Variants in MTA3 observed in about 807,000 individuals in gnomAD.
MTA3 encodes metastasis associated 1 family member 3.
MTA3 carries 34 observed loss-of-function variants against 83.5 expected under a neutral mutation model. The observed-to-expected ratio is 0.41, with a 90% CI of 0.31 to 0.54. The LOEUF (loss-of-function observed/expected upper bound fraction) is 0.54, where lower values mean the gene tolerates loss of function less well. MTA3 is among the 20% of genes least tolerant of loss of function. The pLI is 0.33. For missense variants in MTA3, 761 were observed against 726.4 expected, an observed-to-expected ratio of 1.05 and a Z score of -0.55; for synonymous variants, 303 against 252.7, an observed-to-expected ratio of 1.20 and a Z score of -1.89.
chr2:42,497,584 C>CAA (rs112802576), intron 2 of MTA3, among the ~76,000 whole-genome samples: 8 of 123,020 alleles, frequency 6.5e-5, no homozygotes, highest in Non-Finnish European at 5.2e-5. Context: ...GACTCCATCT[C>CAA]AAAAAAAAAA....
chr2:42,713,582 C>A (rs1440343244), intron 14 of MTA3, among the ~76,000 whole-genome samples: 2 of 150,966 alleles, frequency 1.3e-5, no homozygotes, highest in African/African-American at 4.9e-5. Context: ...CCTGATTTAC[C>A]CCATTCAATG....
At chr2:42,681,396 A>G (rs985882638) in intron 8 of MTA3, among the ~76,000 whole-genome samples, 9 of 152,156 alleles carry the variant, frequency 5.9e-5, no homozygotes, top group African/African-American at 2.2e-4. Flanking sequence ...CCTCAACCCA[A>G]TCTGAGAAGA....
At chr2:42,733,467 C>T (rs750488155) in intron 16 of MTA3, among the ~76,000 whole-genome samples, 13 of 152,102 alleles carry the variant, frequency 8.5e-5, no homozygotes, top group African/African-American at 1.2e-4. Flanking sequence ...ATTTGGGTGG[C>T]GACACAGCCA....
chr2:42,723,188 G>A (rs146720372), intron 16 of MTA3, 153 bp downstream of exon 16: 1 of 911,646 alleles, frequency 1.1e-6, no homozygotes, highest in Non-Finnish European at 1.6e-6. Context: ...ACAGCCATAT[G>A]CCACATTTTG....
chr2:42,622,990 G>C (rs1272947880), intron 4 of MTA3, among the ~76,000 whole-genome samples: 1 of 152,190 alleles, frequency 6.6e-6, no homozygotes, highest in African/African-American at 2.4e-5. Flanking sequence ...AGCCAGAAGA[G>C]ATTCACAAGT....
chr2:42,685,414 A>G (rs1040696304), intron 9 of MTA3, among the ~76,000 whole-genome samples: 7 of 152,228 alleles, frequency 4.6e-5, no homozygotes. Context: ...GTCACACTTC[A>G]GAATGGGCCA....
At chr2:42,554,967 C>G (rs113688021) in intron 2 of MTA3, among the ~76,000 whole-genome samples, 2,100 of 152,038 alleles carry the variant, frequency 0.014, 49 homozygotes, top group African/African-American at 0.047. Context: ...CTTGGCCAAC[C>G]TGGTGAAACC....
At chr2:42,689,773 CTT>C (rs1222011840) in intron 9 of MTA3, among the ~76,000 whole-genome samples, 5 of 118,524 alleles carry the variant, frequency 4.2e-5, no homozygotes, top group Non-Finnish European at 7.3e-5. Flanking sequence ...TAATTTGTGT[CTT>C]TTTTTTTTTT....
chr2:42,717,829 G>A (rs1667133680), intron 14 of MTA3, among the ~76,000 whole-genome samples: 1 of 152,214 alleles, frequency 6.6e-6, no homozygotes, highest in African/African-American at 2.4e-5. Flanking sequence ...GGCCAAGTAT[G>A]GCCCATCTAG....
At chr2:42,597,620 G>A (rs926335844) in intron 3 of MTA3, among the ~76,000 whole-genome samples, 1 of 150,192 alleles carries the variant, frequency 6.7e-6, no homozygotes, top group Non-Finnish European at 1.5e-5. Flanking sequence ...TCCTGACCTT[G>A]TGATCTGCCC....
At chr2:42,751,593 A>G (rs772977928) in intron 16 of MTA3, among the ~76,000 whole-genome samples, 1 of 152,198 alleles carries the variant, frequency 6.6e-6, no homozygotes, top group Non-Finnish European at 1.5e-5. Flanking sequence ...GCCTGTCTCA[A>G]TTGAAAACCG....
At chr2:42,603,456 C>T (rs1000391495) in intron 3 of MTA3, among the ~76,000 whole-genome samples, 1 of 152,128 alleles carries the variant, frequency 6.6e-6, no homozygotes, top group Non-Finnish European at 1.5e-5. Flanking sequence ...GAATTTATTA[C>T]AGTATTGGGC....
chr2:42,657,763 TAAA>T (rs60686385), intron 7 of MTA3, among the ~76,000 whole-genome samples: 93,019 of 127,096 alleles, frequency 0.73, 33,512 homozygotes, highest in South Asian at 0.86. Context: ...CCTCATCTCT[TAAA>T]AAAAAAAAAA....
At chr2:42,652,022 G>T (rs540671454) in intron 6 of MTA3, among the ~76,000 whole-genome samples, 1 of 152,062 alleles carries the variant, frequency 6.6e-6, no homozygotes. Flanking sequence ...ACTTGAACCC[G>T]GGAGGTGGAA....
intron 2 of MTA3, among the ~76,000 whole-genome samples, chr2:42,510,218 C>A (rs1043557757): frequency 1.3e-5 from 2 of 150,340 alleles, no homozygotes; most frequent in African/African-American, 4.9e-5. Context: ...CCCAGCTACT[C>A]GGGAGGGTGA....
At chr2:42,598,885 G>C (rs1387518408) in intron 3 of MTA3, among the ~76,000 whole-genome samples, 1 of 152,130 alleles carries the variant, frequency 6.6e-6, no homozygotes, top group Non-Finnish European at 1.5e-5. Flanking sequence ...GACATACATG[G>C]GAAGTGGGTA....
Position 42,610,298 on chromosome 2 carries a change from C to G in MTA3, c.317+714C>G, listed in dbSNP as rs529022658. ...TAAAATCTGCTTCCCAGGCAGGTGACTCTTGACCTTATAGGATATATGGCT... is the reference window on the plus strand; with the variant it reads ...TAAAATCTGCTTCCCAGGCAGGTGAGTCTTGACCTTATAGGATATATGGCT... On this transcript the variant is annotated intron_variant, in intron 4 of 16. Coordinates refer to ENST00000405094, the MANE Select transcript of MTA3 (RefSeq NM_001330442.2). Among the ~76,000 whole-genome samples, 18 of 152,276 alleles carry G rather than the reference C, an allele frequency of 1.2e-4. 1 individual carries two copies. Among genetic ancestry groups the G allele is most frequent in the African/African-American group, 4.3e-4 (18 of 41,546 alleles).
chr2:42,586,610 ACACAC>A (rs1680356567), intron 3 of MTA3, among the ~76,000 whole-genome samples: 2 of 105,320 alleles, frequency 1.9e-5, no homozygotes, highest in South Asian at 7.1e-4. Context: ...ACACACACAC[ACACAC>A]ATCGTTGGCT....
Position 42,708,912 on chromosome 2 carries a change from G to A in MTA3, c.1341G>A (p.Met447Ile), listed in dbSNP as rs757164856. The change falls in exon 14 of 17, where the codon ATG becomes ATA. Residue 447 changes from methionine (M) to isoleucine (I), a missense_variant. Physicochemically the swap from Met to Ile is conservative, Grantham distance 10. Coordinates refer to ENST00000405094, the MANE Select transcript of MTA3 (RefSeq NM_001330442.2). ...RVRSHVSRQA[M>I]QGMPVRNTGS... ...GAAGTCACGTGTCCCGCCAGGCCATGCAGGGAATGCCAGTCCGAAACACTG... is the reference window on the plus strand; with the variant it reads ...GAAGTCACGTGTCCCGCCAGGCCATACAGGGAATGCCAGTCCGAAACACTG... 2.5e-6 allele frequency: 4 copies of A among 1,614,020 alleles called. No homozygotes were observed. In the East Asian group the frequency reaches 6.7e-5, roughly 27 times the overall value.
Sources: allele counts gnomAD v4.1 joint callset (sites outside exome capture counted in the v4.1 genomes callset), GRCh38; gene constraint gnomAD v4.1.1; transcripts MANE v1.5; gene names NCBI Gene and HGNC (gene_info 2026-07-23, HGNC 2026-07-21).